APOM: variants seen among roughly 807,000 people sequenced by gnomAD.
The protein encoded by APOM is NG20-like protein.
A neutral mutation model predicts 23.5 loss-of-function variants in APOM; 24 were observed. The ratio of observed to expected loss-of-function variants is 1.02; its 90% CI spans 0.74 to 1.44. The LOEUF (loss-of-function observed/expected upper bound fraction) is 1.44. APOM is among the 40% of genes most tolerant of loss of function. The pLI is 0.00. For missense variants in APOM, 200 were observed against 233.2 expected (o/e 0.86, Z 0.93); for synonymous variants, 82 against 84.1 (o/e 0.97, Z 0.14).
chr6:31,654,245 C>CAAA (rs34260741), upstream of APOM, among the ~76,000 whole-genome samples: 30 of 99,110 alleles, frequency 3.0e-4, no homozygotes, highest in Non-Finnish European at 3.8e-4. Flanking sequence ...ACTCCCATCT[C>CAAA]AAAAAAAAAA....
rs1412006715 is a variant in APOM, at chr6:31,657,213, C to T, written c.270-12C>T. 6.2e-7 allele frequency: 1 copy of T among 1,612,456 alleles called. No homozygotes were observed. The highest frequency in any genetic ancestry group is 8.5e-7 in the Non-Finnish European group (1 of 1,179,724). The stretch of plus-strand genomic sequence containing the variant: ...GCTCATTCTTTCCTCCTTGCCACCA[C>T]CACCTCTGCAGGAAAGATGGGCTCT... On this transcript the variant is annotated splice_polypyrimidine_tract_variant and intron_variant, in intron 2 of 5. Coordinates refer to ENST00000375916, the MANE Select transcript of APOM (RefSeq NM_019101.3).
intron 5 of APOM, 74 bp downstream of exon 5, chr6:31,657,797 C>A: frequency 7.5e-7 from 1 of 1,331,278 alleles, no homozygotes; most frequent in Non-Finnish European, 1.1e-6. Context: ...GAAAGAGGCT[C>A]GTGTGATGTC....
Position 31,656,544 on chromosome 6 carries a change from T to G in APOM, c.187T>G (p.Phe63Val), listed in dbSNP as rs1157953988. 6.2e-7 allele frequency: 1 copy of G among 1,614,178 alleles called. No homozygotes were observed. Among genetic ancestry groups the G allele is most frequent in the Admixed American group, 1.7e-5 (1 of 60,028 alleles). Residue 63 changes from phenylalanine to valine, a missense_variant, in exon 2 of 6, where the codon TTT becomes GTT. Phe to Val is a conservative substitution (Grantham distance 50). Coordinates refer to ENST00000375916, the MANE Select transcript of APOM (RefSeq NM_019101.3). ...TCCCACCAAGGAGGAGTTGGCAACT[T>G]TTGACCCTGTGGACAACATTGTCTT... is the stretch of plus-strand genomic sequence containing the variant. ...AAPTKEELAT[F>V]DPVDNIVFNM...
At chr6:31,656,335 T>C in intron 1 of APOM, 137 bp from the exon 2 acceptor site, 1 of 1,009,512 alleles carries the variant, frequency 9.9e-7, no homozygotes, top group Non-Finnish European at 1.5e-6. Flanking sequence ...CTCTTTGTCA[T>C]GGATCCAATC....
intron 5 of APOM, 33 bp from the exon 6 acceptor site, chr6:31,658,031 T>G: frequency 6.2e-7 from 1 of 1,613,784 alleles, no homozygotes; most frequent in Non-Finnish European, 8.5e-7. Flanking sequence ...TGGACTTCCC[T>G]TCTGTCCTTC....
At position 31,658,206 on chromosome 6, in the gene APOM, C is replaced by A; in HGVS notation, c.*117C>A. On this transcript the variant is annotated 3_prime_UTR_variant, in exon 6 of 6. Coordinates refer to ENST00000375916, the MANE Select transcript of APOM (RefSeq NM_019101.3). ...AAGATAATAAAGATAATTTTTCAAT[C>A]CTCATCTCATTCTGGGGTTTGTCTC... 8.1e-7 allele frequency: 1 copy of A among 1,227,262 alleles called. No homozygotes were observed. 76.0% of individuals were successfully genotyped at this position (1,227,262 alleles called of 1,614,324 possible).
upstream of APOM, chr6:31,655,791 A>C (rs1469238125): frequency 1.7e-6 from 1 of 579,556 alleles, no homozygotes. Context: ...AGGGGGAGGA[A>C]GTCCCAAACA....
intron 5 of APOM, 155 bp from the exon 6 acceptor site, chr6:31,657,909 G>A: frequency 2.1e-6 from 2 of 964,404 alleles, no homozygotes; most frequent in South Asian, 2.8e-5. Context: ...TGGATAAAGG[G>A]GGCAGAGGGT....
At chr6:31,653,693 T>C (rs1458533225), upstream of APOM, among the ~76,000 whole-genome samples, 1 of 152,122 alleles carries the variant, frequency 6.6e-6, no homozygotes, top group Non-Finnish European at 1.5e-5. Flanking sequence ...TTTTAGCTTA[T>C]TTTTTTGAGA....
At chr6:31,653,532 G>C (rs1799283426), upstream of APOM, among the ~76,000 whole-genome samples, 1 of 152,152 alleles carries the variant, frequency 6.6e-6, no homozygotes, top group Non-Finnish European at 1.5e-5. Flanking sequence ...CGGGTTTTGT[G>C]TATTATTTTA....
intron 2 of APOM, among the ~76,000 whole-genome samples, chr6:31,656,831 A>G (rs1156286505): frequency 1.3e-5 from 2 of 152,186 alleles, no homozygotes; most frequent in Non-Finnish European, 2.9e-5. Context: ...GGGCTTCAAT[A>G]ACAAATACAA....
At chr6:31,654,463 C>T (rs1478874907), upstream of APOM, among the ~76,000 whole-genome samples, 2 of 151,760 alleles carry the variant, frequency 1.3e-5, no homozygotes, top group Non-Finnish European at 2.9e-5. Flanking sequence ...TAAGGTGGGC[C>T]GACTGCTTGA....
In APOM at chr6:31,655,981, T is replaced by G; in HGVS notation, c.15T>G (p.Ile5Met). The change falls in exon 1 of 6, where the codon ATT becomes ATG. Residue 5 changes from isoleucine (I) to methionine (M), a missense_variant. Ile to Met is a conservative substitution (Grantham distance 10). Transcript: ENST00000375916. MFHQ[I>M]WAALLYFYGI... ...CCTGCCTGAAGATGTTCCACCAAAT[T>G]TGGGCAGCTCTGCTCTACTTCTATG... 6.3e-7 allele frequency: 1 copy of G among 1,598,558 alleles called. No individual in the cohort carries two copies. Among genetic ancestry groups the G allele is most frequent in the Non-Finnish European group, 8.5e-7 (1 of 1,172,496 alleles).
chr6:31,655,043 G>A (rs1010098761), upstream of APOM, among the ~76,000 whole-genome samples: 1 of 152,202 alleles, frequency 6.6e-6, no homozygotes, highest in Non-Finnish European at 1.5e-5. Flanking sequence ...CCAGGCTCAA[G>A]CAATCCTCCC....
intron 2 of APOM, 47 bp downstream of exon 2, chr6:31,656,673 A>T: frequency 1.3e-6 from 2 of 1,590,128 alleles, no homozygotes; most frequent in Non-Finnish European, 1.7e-6. Context: ...GTCTCTGCCC[A>T]AAGTGTGAGA....
upstream of APOM, among the ~76,000 whole-genome samples, chr6:31,654,914 A>G (rs1227189462): frequency 6.6e-6 from 1 of 152,190 alleles, no homozygotes; most frequent in Non-Finnish European, 1.5e-5. Flanking sequence ...AATTTTACAG[A>G]TGAAAAAACA....
chr6:31,657,073 G>A (rs974199274), intron 2 of APOM, 152 bp from the exon 3 acceptor site: 6 of 698,270 alleles, frequency 8.6e-6, no homozygotes, highest in Non-Finnish European at 1.4e-5. Context: ...GTGAACCCGG[G>A]AGGCAGAGCT....
chr6:31,657,658 A>T lies in APOM; in HGVS notation c.476A>T (p.Glu159Val). The change falls in exon 5 of 6, where the codon GAG (glutamate) becomes GTG (valine). Residue 159 changes from glutamate to valine, a missense_variant. Transcript: ENST00000375916. ...RSPHPPEKCV[E>V]EFKSLTSCLD... is the part of the protein sequence containing the mutation. ...CCACATCCTCCCGAAAAGTGTGTGG[A>T]GGAATTCAAGTCCCTGACTTCCTGC... 6.2e-7 allele frequency: 1 copy of T among 1,613,170 alleles called. No individual in the cohort carries two copies. Among genetic ancestry groups the T allele is most frequent in the Non-Finnish European group, 8.5e-7 (1 of 1,180,022 alleles).
chr6:31,656,030 C>A lies in APOM; in HGVS notation c.64C>A (p.Gln22Lys). ...TGGTATTATCCTTAACTCCATCTAC[C>A]AGTGCCCTGAGCACAGTCAACTGAC... ...FYGIILNSIY[Q>K]CPEHSQLTTL... is the part of the protein sequence containing the mutation. The change falls in exon 1 of 6, where the codon CAG becomes AAG. Residue 22 changes from glutamine to lysine, a missense_variant. By Grantham distance (53) the Gln-to-Lys change is moderately conservative (BLOSUM62 1). Coordinates refer to ENST00000375916, the MANE Select transcript of APOM (RefSeq NM_019101.3). 6.3e-7 allele frequency: 1 copy of A among 1,593,268 alleles called. No homozygotes were observed. The highest frequency in any genetic ancestry group is 2.3e-5 in the East Asian group (1 of 44,314).
Sources: allele counts gnomAD v4.1 joint callset (sites outside exome capture counted in the v4.1 genomes callset), GRCh38; gene constraint gnomAD v4.1.1; transcripts MANE v1.5; gene names NCBI Gene and HGNC (gene_info 2026-07-23, HGNC 2026-07-21).